Variants in RAE1 observed in about 807,000 individuals in gnomAD.
RAE1 encodes ribonucleic acid export 1.
In RAE1, 13 loss-of-function variants were observed where a neutral mutation model predicts 52.7. The observed-to-expected ratio is 0.25, with a 90% CI of 0.16 to 0.39. The LOEUF is 0.39. Among genes scored for constraint, RAE1 ranks in the 10% least tolerant of loss-of-function variants. The pLI is 1.00. For missense variants in RAE1, 262 were observed against 459.8 expected, an observed-to-expected ratio of 0.57 and a Z score of 3.93; for synonymous variants, 164 against 153.1, an observed-to-expected ratio of 1.07 and a Z score of -0.52.
At chr20:57,361,967 C>T (rs999092187) in intron 4 of RAE1, among the ~76,000 whole-genome samples, 2 of 152,188 alleles carry the variant, frequency 1.3e-5, no homozygotes, top group Non-Finnish European at 1.5e-5. Flanking sequence ...GTCAGATCAG[C>T]GGCGGCATTA....
intron 4 of RAE1, among the ~76,000 whole-genome samples, chr20:57,362,036 G>C (rs947715501): frequency 2.0e-5 from 3 of 152,194 alleles, no homozygotes; most frequent in African/African-American, 7.2e-5. Context: ...TCTAGGTTGT[G>C]TCTTCCTTAT....
At chr20:57,359,936 T>C (rs2066866825) in intron 4 of RAE1, 1 of 152,132 alleles carries the variant, frequency 6.6e-6, no homozygotes, top group Non-Finnish European at 1.5e-5. Context: ...TTAAGGTAAA[T>C]GGTTTGATTA....
rs1365398155 is a variant in RAE1, at chr20:57,378,362, G to T, written c.*263G>T. 1 of 423,514 alleles carries T rather than the reference G, an allele frequency of 2.4e-6. No homozygotes were observed. The highest frequency in any genetic ancestry group is 4.3e-6 in the Non-Finnish European group (1 of 234,842). The allele number at this position is 423,514 out of a possible 1,614,324, so 26.2% of individuals were successfully genotyped here. A position where few individuals can be genotyped will look rare whatever the true frequency, so the allele number is the denominator to read the frequency against. ...ACGTTAGATTGCGGGCACCGCCAGG[G>T]ATTTTGCAGCGCTTCAGTGTACGTG... is the stretch of plus-strand genomic sequence containing the variant. On this transcript the variant is annotated 3_prime_UTR_variant, in exon 12 of 12. Coordinates refer to ENST00000395841, the MANE Select transcript of RAE1 (RefSeq NM_003610.4).
At chr20:57,359,922 T>C (rs2066866774) in intron 4 of RAE1, 1 of 152,214 alleles carries the variant, frequency 6.6e-6, no homozygotes, top group Non-Finnish European at 1.5e-5. Flanking sequence ...GCCTATACTT[T>C]TGTTTAAGGT....
At chr20:57,356,969 C>G (rs985371795) in intron 4 of RAE1, among the ~76,000 whole-genome samples, 6 of 152,208 alleles carry the variant, frequency 3.9e-5, no homozygotes, top group Non-Finnish European at 8.8e-5. Context: ...ACCCCAGCCT[C>G]TCTCCTCCCT....
intron 4 of RAE1, among the ~76,000 whole-genome samples, chr20:57,364,870 C>T (rs1047125882): frequency 6.6e-6 from 1 of 151,764 alleles, no homozygotes; most frequent in Non-Finnish European, 1.5e-5. Flanking sequence ...AGATAGGGAC[C>T]GAATAAAAGT....
At position 57,378,330 on chromosome 20, in the gene RAE1, A is replaced by G. The variant is rs2067145495; in HGVS notation, c.*231A>G. 3.1e-5 allele frequency: 15 copies of G among 478,774 alleles called. No individual in the cohort carries two copies. The Admixed American group carries it at 5.3e-4, about 17-fold the overall frequency. The allele number at this position is 478,774 out of a possible 1,614,324, so 29.7% of individuals were successfully genotyped here. A position where few individuals can be genotyped will look rare whatever the true frequency, so the allele number is the denominator to read the frequency against. ...TTCTGTAACTAAGGGGGTTGAGGTT[A>G]TTGTAGACGTTAGATTGCGGGCACC... On this transcript the variant is annotated 3_prime_UTR_variant, in exon 12 of 12. Transcript: ENST00000395841.
intron 4 of RAE1, among the ~76,000 whole-genome samples, chr20:57,360,635 C>T (rs2146144288): frequency 6.6e-6 from 1 of 152,288 alleles, no homozygotes; most frequent in East Asian, 1.9e-4. Context: ...ATTAAAGCTA[C>T]TTTCGTAGTA....
chr20:57,375,367 C>T (rs1170173953), intron 11 of RAE1, among the ~76,000 whole-genome samples: 1 of 152,116 alleles, frequency 6.6e-6, no homozygotes, highest in South Asian at 2.1e-4. Flanking sequence ...CATTCTCCTC[C>T]CACCCCACTC....
intron 8 of RAE1, among the ~76,000 whole-genome samples, chr20:57,370,346 C>G (rs188109127): frequency 1.3e-5 from 2 of 152,344 alleles, no homozygotes; most frequent in East Asian, 3.9e-4. Context: ...AAACATTTCC[C>G]CTGGCTGCTG....
At chr20:57,375,816 C>G (rs933848274) in intron 11 of RAE1, among the ~76,000 whole-genome samples, 1 of 152,208 alleles carries the variant, frequency 6.6e-6, no homozygotes, top group Admixed American at 6.5e-5. Context: ...CGGTCACTCA[C>G]CCGTCCCTTC....
chr20:57,356,922 C>T (rs1010031072), intron 4 of RAE1, among the ~76,000 whole-genome samples: 2 of 152,130 alleles, frequency 1.3e-5, no homozygotes, highest in African/African-American at 2.4e-5. Flanking sequence ...CAGCTGTAGA[C>T]GGGCCTCGGC....
At chr20:57,375,765 GTCC>G (rs1439542188) in intron 11 of RAE1, among the ~76,000 whole-genome samples, 1 of 152,120 alleles carries the variant, frequency 6.6e-6, no homozygotes. Context: ...CTGTGGCCAC[GTCC>G]TCCTCATCCA....
intron 1 of RAE1, among the ~76,000 whole-genome samples, chr20:57,353,660 T>G (rs559446995): frequency 6.6e-6 from 1 of 152,386 alleles, no homozygotes; most frequent in East Asian, 1.9e-4. Flanking sequence ...ATATTCCTGC[T>G]GCGCAGCTCA....
chr20:57,373,870 A>C, intron 10 of RAE1, 132 bp downstream of exon 10: 1 of 952,026 alleles, frequency 1.1e-6, no homozygotes, highest in Non-Finnish European at 1.6e-6. Flanking sequence ...TAAGTGGCTT[A>C]TGCTGTAGGC....
intron 8 of RAE1, among the ~76,000 whole-genome samples, chr20:57,369,539 C>T (rs2067004689): frequency 6.6e-6 from 1 of 152,222 alleles, no homozygotes; most frequent in African/African-American, 2.4e-5. Flanking sequence ...ATTTCCAGCC[C>T]TTCTGTATAG....
Position 57,354,704 on chromosome 20 carries a change from T to C in RAE1, c.91-8T>C. The stretch of plus-strand genomic sequence containing the variant: ...GCATACATTTTAACATTGACTTTTT[T>C]CCCGCAGGATATTGAAGTAACATCA... On this transcript the variant is annotated splice_region_variant and splice_polypyrimidine_tract_variant and intron_variant, in intron 2 of 11. Coordinates refer to ENST00000395841, the MANE Select transcript of RAE1 (RefSeq NM_003610.4). 6.4e-7 allele frequency: 1 copy of C among 1,555,884 alleles called. No homozygotes were observed. Among genetic ancestry groups the C allele is most frequent in the Non-Finnish European group, 8.7e-7 (1 of 1,155,046 alleles).
At chr20:57,356,616 A>AAATAGCAT (rs1350641259) in intron 4 of RAE1, 78 bp downstream of exon 4, 1 of 1,278,004 alleles carries the variant, frequency 7.8e-7, no homozygotes, top group Non-Finnish European at 1.1e-6. Flanking sequence ...ATCCAAACAC[A>AAATAGCAT]AATAGCATAT....
Position 57,378,007 on chromosome 20 carries a change from CT to C in RAE1, c.1021-3del, listed in dbSNP as rs748913745. 1 of 1,604,032 alleles carries C rather than the reference CT, an allele frequency of 6.2e-7. No individual in the cohort carries two copies. On this transcript the variant is annotated splice_region_variant and splice_polypyrimidine_tract_variant and intron_variant, in intron 11 of 11. Transcript: ENST00000395841. ...TAAGATCATTGGTGTTTTTTGCTCT[CT>C]TTAGGGACATGAATTTTATAATCCC...
Sources: allele counts gnomAD v4.1 joint callset (sites outside exome capture counted in the v4.1 genomes callset), GRCh38; gene constraint gnomAD v4.1.1; transcripts MANE v1.5; gene names NCBI Gene and HGNC (gene_info 2026-07-23, HGNC 2026-07-21).